Variants in BRINP2 observed in about 807,000 individuals in gnomAD.
The protein encoded by BRINP2 is BMP/retinoic acid inducible neural specific 2.
A neutral mutation model predicts 69.2 loss-of-function variants in BRINP2; 21 were observed. The observed-to-expected ratio is 0.30, with a 90% CI of 0.22 to 0.44. BRINP2 has a LOEUF of 0.44. Among genes scored for constraint, BRINP2 ranks in the 20% least tolerant of loss-of-function variants. BRINP2 has a pLI of 1.00. For missense variants in BRINP2, 877 were observed against 986.0 expected (o/e 0.89, Z 1.48); for synonymous variants, 380 against 394.1 (o/e 0.96, Z 0.42).
chr1:177,272,682 A>G (rs1295817864), intron 4 of BRINP2, among the ~76,000 whole-genome samples: 4 of 152,234 alleles, frequency 2.6e-5, no homozygotes, highest in South Asian at 2.1e-4. Flanking sequence ...GAAGAATTGT[A>G]TGGAATTAAA....
In BRINP2 at chr1:177,273,474, C is replaced by T; in HGVS notation, c.670-14C>T. 6.3e-7 allele frequency: 1 copy of T among 1,587,928 alleles called. No individual in the cohort carries two copies. The highest frequency in any genetic ancestry group is 1.1e-5 in the South Asian group (1 of 88,528). On this transcript the variant is annotated splice_polypyrimidine_tract_variant and intron_variant, in intron 4 of 7. Transcript: ENST00000361539. ...TTGTTATCTAAACCCACTCCCTACTCCTTCCTTCTCTAGGTCACCGAGACC... is the reference window on the plus strand; with the variant it reads ...TTGTTATCTAAACCCACTCCCTACTTCTTCCTTCTCTAGGTCACCGAGACC...
chr1:177,259,672 C>T (rs1428767832), intron 4 of BRINP2, among the ~76,000 whole-genome samples: 1 of 152,164 alleles, frequency 6.6e-6, no homozygotes, highest in Non-Finnish European at 1.5e-5. Flanking sequence ...TTCTGAAAAT[C>T]CTAGGGCCCT....
intron 4 of BRINP2, among the ~76,000 whole-genome samples, chr1:177,260,154 C>CA (rs1412563034): frequency 8.5e-5 from 13 of 152,096 alleles, no homozygotes; most frequent in African/African-American, 3.1e-4. Flanking sequence ...AAGTTGATTC[C>CA]AACCCTCATG....
At chr1:177,211,698 T>C (rs2102311265) in intron 1 of BRINP2, among the ~76,000 whole-genome samples, 1 of 152,206 alleles carries the variant, frequency 6.6e-6, no homozygotes, top group East Asian at 1.9e-4. Context: ...TGGCACATGA[T>C]TTTTATTTGG....
intron 1 of BRINP2, among the ~76,000 whole-genome samples, chr1:177,173,125 A>G (rs1647989079): frequency 6.6e-6 from 1 of 152,160 alleles, no homozygotes; most frequent in Admixed American, 6.5e-5. Flanking sequence ...AGTTGTGTGT[A>G]TGTTATTTGT....
At chr1:177,173,167 C>T (rs1219912291) in intron 1 of BRINP2, among the ~76,000 whole-genome samples, 1 of 152,188 alleles carries the variant, frequency 6.6e-6, no homozygotes, top group Non-Finnish European at 1.5e-5. Context: ...TCCCCCTTCA[C>T]CCAGAATAAG....
intron 2 of BRINP2, among the ~76,000 whole-genome samples, chr1:177,241,884 G>A (rs1464833601): frequency 4.6e-5 from 7 of 152,204 alleles, no homozygotes; most frequent in Non-Finnish European, 1.0e-4. Context: ...TTCGAGGAAC[G>A]TTGGAAATGT....
chr1:177,268,637 A>G (rs1388359000), intron 4 of BRINP2, among the ~76,000 whole-genome samples: 2 of 152,142 alleles, frequency 1.3e-5, no homozygotes, highest in African/African-American at 4.8e-5. Flanking sequence ...ACACACCTCT[A>G]TTGCAGAATT....
In BRINP2 at chr1:177,258,685, A is replaced by G. The variant is rs186574175; in HGVS notation, c.669+1301A>G. Among the ~76,000 whole-genome samples, 63 of 152,338 alleles carry G rather than the reference A, an allele frequency of 4.1e-4. No individual in the cohort carries two copies. In the East Asian group the frequency reaches 8.1e-3, roughly 20 times the overall value. On this transcript the variant is annotated intron_variant, in intron 4 of 7. Transcript: ENST00000361539. ...AGCATGTGCTTACTTCGTATCTCTGATAATTCTCACAGTATTTTAAACTTT... is the reference window on the plus strand; with the variant it reads ...AGCATGTGCTTACTTCGTATCTCTGGTAATTCTCACAGTATTTTAAACTTT...
rs181923743 is a variant in BRINP2 at position 177,262,729 on chromosome 1, G to C, written c.669+5345G>C. Among the ~76,000 whole-genome samples the C allele has an allele frequency of 2.8e-4, 43 of 152,200 alleles. No individual in the cohort carries two copies. In the East Asian group the frequency reaches 8.1e-3, roughly 29 times the overall value. On this transcript the variant is annotated intron_variant, in intron 4 of 7. Coordinates refer to ENST00000361539, the MANE Select transcript of BRINP2 (RefSeq NM_021165.4). ...TTCTTTTGATTGGCTTCTTCTTCTT[G>C]ATTTCCTAGGTTAAACAGAAGGAAA... is the stretch of plus-strand genomic sequence containing the variant.
chr1:177,270,454 A>G (rs935720261), intron 4 of BRINP2, among the ~76,000 whole-genome samples: 1 of 151,900 alleles, frequency 6.6e-6, no homozygotes, highest in Non-Finnish European at 1.5e-5. Flanking sequence ...AAGGTCAGAA[A>G]ATTGCATCAA....
chr1:177,263,232 C>T (rs1651014473), intron 4 of BRINP2, among the ~76,000 whole-genome samples: 1 of 151,938 alleles, frequency 6.6e-6, no homozygotes, highest in Non-Finnish European at 1.5e-5. Flanking sequence ...TGGGTGATGC[C>T]TAATATTGAG....
At chr1:177,180,649 C>T (rs575389075) in intron 1 of BRINP2, among the ~76,000 whole-genome samples, 152 of 152,220 alleles carry the variant, frequency 1.0e-3, no homozygotes, top group South Asian at 4.1e-3. Flanking sequence ...GGAGCTCTCT[C>T]GTTGGAGCAG....
intron 1 of BRINP2, among the ~76,000 whole-genome samples, chr1:177,225,026 A>G (rs1558166091): frequency 6.6e-6 from 1 of 152,208 alleles, no homozygotes; most frequent in Non-Finnish European, 1.5e-5. Context: ...TCAAATCCTG[A>G]GTGTGTCGTC....
chr1:177,204,472 C>T (rs1046418823), intron 1 of BRINP2, among the ~76,000 whole-genome samples: 5 of 150,996 alleles, frequency 3.3e-5, no homozygotes, highest in African/African-American at 1.2e-4. Context: ...TAAGGAGTGG[C>T]CACAGAACAA....
intron 2 of BRINP2, among the ~76,000 whole-genome samples, chr1:177,239,341 G>T (rs1650126528): frequency 6.6e-6 from 1 of 152,242 alleles, no homozygotes; most frequent in South Asian, 2.1e-4. Flanking sequence ...TTCTGTATGT[G>T]TTGGTTGTGC....
In BRINP2 at chr1:177,281,605, T is replaced by G; in HGVS notation, c.*77T>G. ...ACAAAGATAATCTAAGCCCTCACCT[T>G]AGTGCCAACAGGGTGTGCTCCCACG... On this transcript the variant is annotated 3_prime_UTR_variant, in exon 8 of 8. Transcript: ENST00000361539. 1 of 1,489,958 alleles carries G rather than the reference T, an allele frequency of 6.7e-7. No homozygotes were observed. The highest frequency in any genetic ancestry group is 2.3e-5 in the East Asian group (1 of 44,062). The allele number at this position is 1,489,958 out of a possible 1,614,324, so 92.3% of individuals were successfully genotyped here.
At chr1:177,257,067 C>T (rs1240325423) in intron 3 of BRINP2, 109 bp from the exon 4 acceptor site, 2 of 1,565,066 alleles carry the variant, frequency 1.3e-6, no homozygotes, top group East Asian at 2.3e-5. Flanking sequence ...GCAGCAGGGG[C>T]TGCACTCTCT....
intron 1 of BRINP2, among the ~76,000 whole-genome samples, chr1:177,197,229 GT>G (rs1648772909): frequency 6.6e-6 from 1 of 152,186 alleles, no homozygotes; most frequent in Admixed American, 6.5e-5. Context: ...GGGGAGCAAG[GT>G]GTCTCACATG....
Sources: allele counts gnomAD v4.1 joint callset (sites outside exome capture counted in the v4.1 genomes callset), GRCh38; gene constraint gnomAD v4.1.1; transcripts MANE v1.5; gene names NCBI Gene and HGNC (gene_info 2026-07-23, HGNC 2026-07-21).